DOP1B: variants seen among roughly 807,000 people sequenced by gnomAD.
DOP1B encodes protein DOP1B.
A neutral mutation model predicts 233.5 loss-of-function variants in DOP1B; 174 were observed. The ratio of observed to expected loss-of-function variants is 0.75; its 90% CI spans 0.66 to 0.85. DOP1B has a LOEUF of 0.85. DOP1B is among the 40% of genes least tolerant of loss of function. The pLI, the probability that DOP1B is intolerant of heterozygous loss-of-function variation, is 0.00. For synonymous variants in DOP1B, 1,190 were observed against 1,185.6 expected, an observed-to-expected ratio of 1.00 and a Z score of -0.08; for missense variants, 2,652 against 2,846.6, an observed-to-expected ratio of 0.93 and a Z score of 1.56.
rs2066753782 is a variant in DOP1B, at chr21:36,230,780, G to A, written c.1996G>A (p.Asp666Asn). The A allele has an allele frequency of 2.5e-6, 4 of 1,614,200 alleles. No homozygotes were observed. In the East Asian group the frequency reaches 8.9e-5, roughly 36 times the overall value. ...SEEPAGKRDR[D>N]GTQSLAANDS... ...GGAGCCTGCAGGGAAGAGGGACAGGGATGGGACGCAGAGCCTGGCAGCCAA... is the reference window on the plus strand; with the variant it reads ...GGAGCCTGCAGGGAAGAGGGACAGGAATGGGACGCAGAGCCTGGCAGCCAA... Residue 666 changes from aspartate to asparagine, a missense_variant, in exon 14 of 37, where the codon GAT becomes AAT. Around this residue, in one of 3 missense-constraint regions of DOP1B, gnomAD observed 2,617 missense variants for 2,794.3 expected, o/e 0.94. Transcript: ENST00000691173.
chr21:36,213,853 C>T (rs1197882878), intron 7 of DOP1B, among the ~76,000 whole-genome samples: 1 of 151,964 alleles, frequency 6.6e-6, no homozygotes, highest in African/African-American at 2.4e-5. Flanking sequence ...AGGGTGAATT[C>T]TTAGAACAAA....
intron 33 of DOP1B, 60 bp from the exon 34 acceptor site, chr21:36,288,696 A>T (rs2067517342): frequency 7.7e-7 from 1 of 1,293,622 alleles, no homozygotes; most frequent in Admixed American, 2.1e-5. Flanking sequence ...TAAGTAAAAA[A>T]AAATATTTGG....
chr21:36,219,328 G>A (rs1355334239), intron 9 of DOP1B, 44 bp from the exon 10 acceptor site: 2 of 1,612,588 alleles, frequency 1.2e-6, no homozygotes, highest in Admixed American at 1.7e-5. Flanking sequence ...CTGATTTAAA[G>A]GGGATTGTTA....
intron 6 of DOP1B, 64 bp from the exon 7 acceptor site, chr21:36,211,908 CGT>C: frequency 6.2e-7 from 1 of 1,604,482 alleles, no homozygotes; most frequent in South Asian, 1.1e-5. Flanking sequence ...GGAAGGGCTG[CGT>C]GTCAAAAAGT....
At chr21:36,183,028 C>A (rs2252776) in intron 2 of DOP1B, among the ~76,000 whole-genome samples, 1 of 151,898 alleles carries the variant, frequency 6.6e-6, no homozygotes, top group Non-Finnish European at 1.5e-5. Context: ...AGGATGTTTT[C>A]TTTTGTTTAA....
chr21:36,180,556 G>A (rs1346846396), intron 2 of DOP1B, among the ~76,000 whole-genome samples: 1 of 149,734 alleles, frequency 6.7e-6, no homozygotes, highest in Non-Finnish European at 1.5e-5. Flanking sequence ...GCTCCAGCCT[G>A]GGCAAGAGTG....
In DOP1B at chr21:36,278,358, A is replaced by G; in HGVS notation, c.5969+3A>G. On this transcript the variant is annotated splice_donor_region_variant and intron_variant, in intron 30 of 36. Coordinates refer to ENST00000691173, the MANE Select transcript of DOP1B (RefSeq NM_001320714.2). ...CAGATGGATACTTCCTGTGTTCAGT[A>G]AGATATGCTGTCCTGATAACAACGT... is the stretch of plus-strand genomic sequence containing the variant. 6.2e-7 allele frequency: 1 copy of G among 1,610,580 alleles called. No homozygotes were observed. The highest frequency in any genetic ancestry group is 8.5e-7 in the Non-Finnish European group (1 of 1,179,366).
chr21:36,229,231 A>G (rs913190456), intron 13 of DOP1B, among the ~76,000 whole-genome samples: 2 of 152,180 alleles, frequency 1.3e-5, no homozygotes, highest in African/African-American at 4.8e-5. Context: ...GGTGGCTTCC[A>G]CAACAGACAC....
At chr21:36,281,632 T>A in intron 32 of DOP1B, 21 bp downstream of exon 32, 1 of 1,538,944 alleles carries the variant, frequency 6.5e-7, no homozygotes. Context: ...TGTCTTAGTC[T>A]GTTTTTTGCT....
intron 35 of DOP1B, among the ~76,000 whole-genome samples, chr21:36,290,491 T>C (rs931088202): frequency 6.6e-6 from 1 of 151,858 alleles, no homozygotes; most frequent in Non-Finnish European, 1.5e-5. Flanking sequence ...TGAAAAACCC[T>C]GTCTCTACTA....
chr21:36,179,476 CTTTGT>C (rs1384941138), intron 2 of DOP1B, among the ~76,000 whole-genome samples: 2 of 152,274 alleles, frequency 1.3e-5, no homozygotes, highest in South Asian at 2.1e-4. Context: ...GTCATTGTAA[CTTTGT>C]TTTAATTCCA....
intron 10 of DOP1B, among the ~76,000 whole-genome samples, chr21:36,220,265 C>A (rs771064191): frequency 1.3e-5 from 2 of 152,040 alleles, no homozygotes; most frequent in Admixed American, 6.6e-5. Flanking sequence ...AGAATGAAAG[C>A]GGTTTATTGT....
intron 24 of DOP1B, chr21:36,261,021 G>C: frequency 8.8e-7 from 1 of 1,133,538 alleles, no homozygotes. Flanking sequence ...AATTGATACA[G>C]AAAAAGAAAA....
chr21:36,157,298 G>T (rs1231645564), intron 1 of DOP1B, among the ~76,000 whole-genome samples: 1 of 151,014 alleles, frequency 6.6e-6, no homozygotes, highest in Non-Finnish European at 1.5e-5. Context: ...CGCGGCCCGC[G>T]CGCCCTCCCG....
chr21:36,215,459 G>T (rs992594551), intron 9 of DOP1B, among the ~76,000 whole-genome samples: 50 of 152,026 alleles, frequency 3.3e-4, no homozygotes, highest in Admixed American at 5.9e-4. Context: ...GGAGTGCAGT[G>T]GCGCAATCTC....
At chr21:36,292,256 C>CTTTTTTT (rs55884666) in intron 36 of DOP1B, 23 bp downstream of exon 36, 51 of 1,335,438 alleles carry the variant, frequency 3.8e-5, no homozygotes, top group Admixed American at 1.4e-4. Context: ...CTTTTCTTTT[C>CTTTTTTT]TTTTTTTTTT....
intron 26 of DOP1B, among the ~76,000 whole-genome samples, chr21:36,265,803 A>C (rs1202205188): frequency 2.0e-5 from 3 of 152,206 alleles, no homozygotes; most frequent in African/African-American, 7.2e-5. Context: ...AGAAAAAAAC[A>C]AAGTGTGATT....
chr21:36,176,092 G>A (rs974379991), intron 2 of DOP1B, among the ~76,000 whole-genome samples: 1 of 141,036 alleles, frequency 7.1e-6, no homozygotes, highest in Non-Finnish European at 1.5e-5. Flanking sequence ...TTTGGGGTGT[G>A]TGTGCGTGTG....
At position 36,219,289 on chromosome 21, in the gene DOP1B, A is replaced by G; in HGVS notation, c.1130-83A>G. ...CTGTCTGCACAGGTTTACTGTATAT[A>G]TGTCTTATGTATATACATATGTCAC... is the stretch of plus-strand genomic sequence containing the variant. On this transcript the variant is annotated intron_variant, in intron 9 of 36. Transcript: ENST00000691173. 2.6e-6 allele frequency: 4 copies of G among 1,548,148 alleles called. No individual in the cohort carries two copies. In the South Asian group the frequency reaches 3.5e-5, roughly 13 times the overall value.
Sources: allele counts gnomAD v4.1 joint callset (sites outside exome capture counted in the v4.1 genomes callset), GRCh38; gene constraint gnomAD v4.1.1; regional missense constraint gnomAD v4.1.1; transcripts MANE v1.5; gene names NCBI Gene and HGNC (gene_info 2026-07-23, HGNC 2026-07-21).